The following ITM2C variants were observed in gnomAD, a reference collection of about 807,000 sequenced individuals.
ITM2C encodes the protein integral membrane protein 2C, also known as BRICHOS domain containing 2C.
ITM2C carries 20 observed loss-of-function variants against 30.0 expected under a neutral mutation model. The ratio of observed to expected loss-of-function variants is 0.67; its 90% CI spans 0.47 to 0.97. The LOEUF (loss-of-function observed/expected upper bound fraction) is 0.97, where lower values mean the gene tolerates loss of function less well. Ranked by LOEUF, ITM2C falls within the 50% of genes least tolerant of loss-of-function variation. The pLI is 0.00. For synonymous variants in ITM2C, 167 were observed against 156.4 expected (o/e 1.07, Z -0.51); for missense variants, 366 against 371.9 (o/e 0.98, Z 0.13).
intron 1 of ITM2C, among the ~76,000 whole-genome samples, chr2:230,872,006 A>C (rs912011677): frequency 6.6e-6 from 1 of 152,224 alleles, no homozygotes; most frequent in African/African-American, 2.4e-5. Context: ...ACCCCCCTCC[A>C]GGGGGAAGGG....
Position 230,877,101 on chromosome 2 carries a change from G to A in ITM2C, c.561+134G>A, listed in dbSNP as rs540858122. The A allele has an allele frequency of 1.4e-6, 1 of 696,368 alleles. No individual in the cohort carries two copies. The highest frequency in any genetic ancestry group is 1.7e-5 in the South Asian group (1 of 58,406). The allele number at this position is 696,368 out of a possible 1,614,324, so 43.1% of individuals were successfully genotyped here. A position where few individuals can be genotyped will look rare whatever the true frequency, so the allele number is the denominator to read the frequency against. On this transcript the variant is annotated intron_variant, in intron 4 of 5. Transcript: ENST00000326427. The surrounding 1 kb of genome is among the most constrained non-coding windows in gnomAD (Gnocchi z 4.8). ...GAGCAAGAGACATTGCTGGCACCTG[G>A]GCCCTGTACCCAGATTGGTCTCGCC... is the stretch of plus-strand genomic sequence containing the variant.
intron 1 of ITM2C, among the ~76,000 whole-genome samples, chr2:230,872,829 G>A (rs539960319): frequency 3.7e-4 from 56 of 152,298 alleles, no homozygotes; most frequent in Middle Eastern, 3.4e-3. Flanking sequence ...CCTTGGTGGA[G>A]TTGAGCAGCC....
intron 1 of ITM2C, 122 bp from the exon 2 acceptor site, chr2:230,873,295 T>A: frequency 2.0e-6 from 2 of 987,242 alleles, no homozygotes; most frequent in Non-Finnish European, 2.8e-6. Flanking sequence ...TGTCATCTCC[T>A]TCCCTCCCTT....
At chr2:230,864,420 G>A (rs3806537), upstream of ITM2C, among the ~76,000 whole-genome samples, 7,364 of 152,254 alleles carry the variant, frequency 0.048, 219 homozygotes, top group Middle Eastern at 0.11. This position sits in a 1 kb window ranked among gnomAD's most constrained non-coding sequence, Gnocchi z 4.3. Flanking sequence ...AAGGCAAGAC[G>A]GAGGCAGCAG....
rs751134205 is a variant in ITM2C, at chr2:230,865,006, A to C, written c.-20A>C. On this transcript the variant is annotated 5_prime_UTR_variant, in exon 1 of 6. Transcript: ENST00000326427. The surrounding 1 kb of genome is among the most constrained non-coding windows in gnomAD (Gnocchi z 6.8). ...TGCACCGGCAGAGGCTGCGGGGCGGACGCGCGGGCCGGCGCAGCCATGGTG... is the reference window on the plus strand; with the variant it reads ...TGCACCGGCAGAGGCTGCGGGGCGGCCGCGCGGGCCGGCGCAGCCATGGTG... 2.1e-6 allele frequency: 3 copies of C among 1,456,554 alleles called. No individual in the cohort carries two copies. Among genetic ancestry groups the C allele is most frequent in the East Asian group, 2.8e-5 (1 of 35,940 alleles). 90.2% of individuals were successfully genotyped at this position (1,456,554 alleles called of 1,614,324 possible). A position where few individuals can be genotyped will look rare whatever the true frequency, so the allele number is the denominator to read the frequency against.
At chr2:230,875,475 T>C (rs181943420) in intron 2 of ITM2C, 145 bp from the exon 3 acceptor site, 2 of 645,002 alleles carry the variant, frequency 3.1e-6, no homozygotes, top group Admixed American at 6.2e-5. Context: ...TTTCTCCATC[T>C]GCGAAATGGG....
chr2:230,873,454 G>A lies in ITM2C; in HGVS notation c.158G>A (p.Gly53Asp). 1 of 1,606,794 alleles carries A rather than the reference G, an allele frequency of 6.2e-7. No homozygotes were observed. Among genetic ancestry groups the A allele is most frequent in the Non-Finnish European group, 8.5e-7 (1 of 1,176,698 alleles). ...QPPQHRSKRG[G>D]SVGGVCYLSM... ...CCACAACATCGATCCAAGAGGGGGG[G>A]CTCAGTGGGCGGCGTGTGCTACCTG... Residue 53 changes from glycine (G) to aspartate (D), a missense_variant, in exon 2 of 6, where the codon GGC becomes GAC. Transcript: ENST00000326427.
chr2:230,870,100 C>G (rs1322919046), intron 1 of ITM2C, among the ~76,000 whole-genome samples: 1 of 152,186 alleles, frequency 6.6e-6, no homozygotes, highest in East Asian at 1.9e-4. Flanking sequence ...CCCAAGGGGC[C>G]AGGGCTCTGG....
At chr2:230,875,838 G>C in intron 3 of ITM2C, 30 bp downstream of exon 3, 1 of 376,138 alleles carries the variant, frequency 2.7e-6, no homozygotes, top group Non-Finnish European at 5.3e-6. Context: ...GGGGGTGGGG[G>C]GTGGGAGGGT....
chr2:230,872,885 C>G (rs1697197963), intron 1 of ITM2C, among the ~76,000 whole-genome samples: 1 of 152,146 alleles, frequency 6.6e-6, no homozygotes, highest in African/African-American at 2.4e-5. Flanking sequence ...TTAGTCTACC[C>G]TCTGCACCTT....
intron 1 of ITM2C, among the ~76,000 whole-genome samples, chr2:230,870,878 T>C (rs1156895618): frequency 6.6e-6 from 1 of 152,140 alleles, no homozygotes; most frequent in Non-Finnish European, 1.5e-5. Flanking sequence ...CTTTTTTTTT[T>C]TTCCCTTTTC....
At chr2:230,868,502 C>T (rs112239739) in intron 1 of ITM2C, among the ~76,000 whole-genome samples, 7 of 152,210 alleles carry the variant, frequency 4.6e-5, no homozygotes, top group African/African-American at 1.7e-4. Context: ...CACACATGCA[C>T]GCACAGATGT....
At position 230,875,716 on chromosome 2, in the gene ITM2C, AT is replaced by A; in HGVS notation, c.359del (p.Ile120ThrfsTer33). The A allele has an allele frequency of 6.2e-7, 1 of 1,613,354 alleles. No individual in the cohort carries two copies. The part of the protein sequence containing the change: ...TQMELEEDVK[I>X]YLDENYERIN... The stretch of plus-strand genomic sequence containing the variant: ...GATGGAGCTGGAAGAGGATGTGAAA[AT>A]CTACCTCGACGAGAACTACGAGCGC... On this transcript the variant is annotated frameshift_variant, in exon 3 of 6. Coordinates refer to ENST00000326427, the MANE Select transcript of ITM2C (RefSeq NM_030926.6). LOFTEE classifies it high-confidence loss of function.
At chr2:230,867,667 T>A (rs1355556707) in intron 1 of ITM2C, among the ~76,000 whole-genome samples, 2 of 116,024 alleles carry the variant, frequency 1.7e-5, no homozygotes, top group South Asian at 2.4e-4. Flanking sequence ...TATTTTATTT[T>A]ATTTTTTTTT....
chr2:230,864,944 C>A lies in ITM2C; in HGVS notation c.-82C>A. ...CGAGCGGGATCCAAACTTCCGGTGC[C>A]TGCAGAGCTCGGAGCGGCGGAGGCA... On this transcript the variant is annotated 5_prime_UTR_variant, in exon 1 of 6. It adds an upstream start codon to the 5' untranslated region. Coordinates refer to ENST00000326427, the MANE Select transcript of ITM2C (RefSeq NM_030926.6). This position sits in a 1 kb window ranked among gnomAD's most constrained non-coding sequence, Gnocchi z 4.3. The A allele has an allele frequency of 1.5e-6, 2 of 1,319,444 alleles. No individual in the cohort carries two copies. Among genetic ancestry groups the A allele is most frequent in the Non-Finnish European group, 2.0e-6 (2 of 1,024,862 alleles). The allele number at this position is 1,319,444 out of a possible 1,614,324, so 81.7% of individuals were successfully genotyped here. A position where few individuals can be genotyped will look rare whatever the true frequency, so the allele number is the denominator to read the frequency against.
At chr2:230,867,722 C>T (rs1056820535) in intron 1 of ITM2C, among the ~76,000 whole-genome samples, 4 of 151,366 alleles carry the variant, frequency 2.6e-5, no homozygotes, top group African/African-American at 4.9e-5. Flanking sequence ...TTCCGTGGCA[C>T]GATCTTGGCT....
intron 1 of ITM2C, among the ~76,000 whole-genome samples, chr2:230,867,034 C>G (rs1697043472): frequency 6.6e-6 from 1 of 152,186 alleles, no homozygotes; most frequent in Non-Finnish European, 1.5e-5. Context: ...CCTCACCCAG[C>G]ATGAAATGGA....
Position 230,877,878 on chromosome 2 carries a change from C to T in ITM2C, c.713-130C>T, listed in dbSNP as rs1353781244. 2.7e-6 allele frequency: 2 copies of T among 737,958 alleles called. No homozygotes were observed. Among genetic ancestry groups the T allele is most frequent in the Admixed American group, 5.3e-5 (2 of 37,928 alleles). The allele number at this position is 737,958 out of a possible 1,614,324, so 45.7% of individuals were successfully genotyped here. ...GCTTTCGAGCTCTCCCCATTTCTCA[C>T]TGTGCTCTTTGGGTGAATCTGGGTG... On this transcript the variant is annotated intron_variant, in intron 5 of 5. Coordinates refer to ENST00000326427, the MANE Select transcript of ITM2C (RefSeq NM_030926.6). This position sits in a 1 kb window ranked among gnomAD's most constrained non-coding sequence, Gnocchi z 4.8.
chr2:230,875,839 G>GGGGGA, intron 3 of ITM2C, 31 bp downstream of exon 3: 2 of 326,324 alleles, frequency 6.1e-6, no homozygotes, highest in East Asian at 8.5e-5. Context: ...GGGGTGGGGG[G>GGGGGA]TGGGAGGGTG....
Sources: allele counts gnomAD v4.1 joint callset (sites outside exome capture counted in the v4.1 genomes callset), GRCh38; gene constraint gnomAD v4.1.1; non-coding constraint Gnocchi (gnomAD v3.1); transcripts MANE v1.5; gene names NCBI Gene and HGNC (gene_info 2026-07-23, HGNC 2026-07-21).